METTL15: variants seen among roughly 807,000 people sequenced by gnomAD.
The protein encoded by METTL15 is methyltransferase 15, mitochondrial 12S rRNA N4-cytidine.
Under a neutral mutation model 38.3 loss-of-function variants are expected in METTL15, and 34 were observed. That is an observed-to-expected ratio of 0.89 (90% CI 0.68 to 1.18). METTL15 has a LOEUF of 1.18. Ranked by LOEUF, METTL15 falls within the 50% of genes most tolerant of loss-of-function variation. METTL15 has a pLI of 0.00. For synonymous variants in METTL15, 162 were observed against 170.9 expected (o/e 0.95, Z 0.41); for missense variants, 438 against 498.4 (o/e 0.88, Z 1.15).
chr11:28,264,986 A>G (rs530285696), intron 4 of METTL15, among the ~76,000 whole-genome samples: 1 of 152,246 alleles, frequency 6.6e-6, no homozygotes, highest in Admixed American at 6.5e-5. Context: ...AATAATAGCT[A>G]TAATTTATTC....
intron 3 of METTL15, among the ~76,000 whole-genome samples, chr11:28,141,881 A>C (rs1442417772): frequency 6.6e-6 from 1 of 152,142 alleles, no homozygotes; most frequent in Admixed American, 6.5e-5. Flanking sequence ...CATCCTGAAC[A>C]AAGAGGAGGT....
chr11:28,516,017 T>C (rs1225171693), intron 6 of METTL15, among the ~76,000 whole-genome samples: 1 of 152,244 alleles, frequency 6.6e-6, no homozygotes, highest in Non-Finnish European at 1.5e-5. Context: ...ACAGAAGTTA[T>C]ACTTAATTAG....
intron 6 of METTL15, among the ~76,000 whole-genome samples, chr11:28,522,632 T>C (rs958886460): frequency 4.6e-5 from 7 of 152,190 alleles, no homozygotes; most frequent in African/African-American, 1.7e-4. Flanking sequence ...CCCAATCAAG[T>C]TGACACATAA....
rs145918860 is a variant in METTL15, at chr11:28,175,688, A to C, written c.271-35374A>C. ...GTCAAAAATCTGAGTATCACCTTCA[A>C]ACTTCTTACTCTTCCCCTATTAAAT... On this transcript the variant is annotated intron_variant, in intron 3 of 6. Transcript: ENST00000407364. Among the ~76,000 whole-genome samples, 135 of 152,200 alleles carry C rather than the reference A, an allele frequency of 8.9e-4. 1 individual carries two copies. The highest frequency in any genetic ancestry group is 3.2e-3 in the African/African-American group (134 of 41,550).
intron 5 of METTL15, among the ~76,000 whole-genome samples, chr11:28,374,279 G>A (rs951767735): frequency 1.3e-5 from 2 of 152,124 alleles, no homozygotes; most frequent in Non-Finnish European, 1.5e-5. Context: ...TCAGGATACT[G>A]ATTCTTCCTA....
intron 5 of METTL15, among the ~76,000 whole-genome samples, chr11:28,412,395 T>TTATA (rs144772873): frequency 1.3e-5 from 2 of 150,742 alleles, no homozygotes; most frequent in African/African-American, 4.9e-5. Flanking sequence ...TATGAAAATG[T>TTATA]TATATATATA....
At chr11:28,377,930 G>T (rs561607204) in intron 5 of METTL15, among the ~76,000 whole-genome samples, 2 of 152,132 alleles carry the variant, frequency 1.3e-5, no homozygotes, top group Non-Finnish European at 2.9e-5. Context: ...AGGTGTCAGT[G>T]TGTCCCTGCT....
At chr11:28,313,895 A>G (rs1857391390) in intron 6 of METTL15, among the ~76,000 whole-genome samples, 1 of 152,168 alleles carries the variant, frequency 6.6e-6, no homozygotes, top group Non-Finnish European at 1.5e-5. Flanking sequence ...AGTGAGATTA[A>G]TAGCACATAT....
At chr11:28,239,275 C>T (rs1290138293) in intron 4 of METTL15, among the ~76,000 whole-genome samples, 1 of 152,198 alleles carries the variant, frequency 6.6e-6, no homozygotes, top group Non-Finnish European at 1.5e-5. Flanking sequence ...GCCCTGATTC[C>T]AGCCCATCTG....
chr11:28,360,631 GC>G (rs958891658), intron 4 of METTL15, among the ~76,000 whole-genome samples: 3 of 152,044 alleles, frequency 2.0e-5, no homozygotes, highest in Admixed American at 6.6e-5. Flanking sequence ...ACTTCATGGT[GC>G]TTTCACGATG....
intron 6 of METTL15, among the ~76,000 whole-genome samples, chr11:28,494,250 A>G (rs1270168690): frequency 8.5e-5 from 13 of 152,194 alleles, no homozygotes; most frequent in Admixed American, 8.5e-4. Flanking sequence ...GGGTCGATCT[A>G]TTCACCACCA....
intron 6 of METTL15, among the ~76,000 whole-genome samples, chr11:28,440,535 C>A (rs2133440054): frequency 6.6e-6 from 1 of 152,262 alleles, no homozygotes; most frequent in African/African-American, 2.4e-5. Context: ...CTAATTGCTG[C>A]ATGATTTGAA....
chr11:28,422,995 TA>T (rs1051267626), intron 5 of METTL15, among the ~76,000 whole-genome samples: 4 of 151,524 alleles, frequency 2.6e-5, no homozygotes, highest in Non-Finnish European at 5.9e-5. Flanking sequence ...AAACAAATTT[TA>T]TAGGGGAAAA....
intron 6 of METTL15, among the ~76,000 whole-genome samples, chr11:28,452,275 A>G (rs1181741973): frequency 2.6e-5 from 4 of 152,206 alleles, no homozygotes; most frequent in Non-Finnish European, 5.9e-5. Flanking sequence ...TACTTGTCCA[A>G]TATCATTTAC....
chr11:28,395,495 G>A (rs888471583), intron 5 of METTL15, among the ~76,000 whole-genome samples: 1 of 152,042 alleles, frequency 6.6e-6, no homozygotes, highest in Non-Finnish European at 1.5e-5. Context: ...AAATAAACTA[G>A]AAAATCTAGA....
At chr11:28,497,684 G>A (rs1370747885) in intron 6 of METTL15, among the ~76,000 whole-genome samples, 2 of 152,140 alleles carry the variant, frequency 1.3e-5, no homozygotes, top group Non-Finnish European at 2.9e-5. Flanking sequence ...TTCCAAGATG[G>A]CATCCTCTAG....
intron 6 of METTL15, among the ~76,000 whole-genome samples, chr11:28,321,066 G>A (rs1368508218): frequency 6.6e-6 from 1 of 152,086 alleles, no homozygotes; most frequent in East Asian, 1.9e-4. Flanking sequence ...CATTAGTCCA[G>A]GCTGAAAGTA....
At chr11:28,328,501 G>T (rs752418202) in intron 6 of METTL15, among the ~76,000 whole-genome samples, 10 of 152,068 alleles carry the variant, frequency 6.6e-5, no homozygotes, top group Non-Finnish European at 1.3e-4. Flanking sequence ...TAAGAAACAT[G>T]CTAAGGAGAT....
intron 6 of METTL15, among the ~76,000 whole-genome samples, chr11:28,436,696 A>G (rs1261370246): frequency 6.6e-6 from 1 of 152,202 alleles, no homozygotes; most frequent in Non-Finnish European, 1.5e-5. Context: ...AAAAGGTAGC[A>G]CATATGCCAT....
Sources: allele counts gnomAD v4.1 joint callset (sites outside exome capture counted in the v4.1 genomes callset), GRCh38; gene constraint gnomAD v4.1.1; transcripts MANE v1.5; gene names NCBI Gene and HGNC (gene_info 2026-07-23, HGNC 2026-07-21).